The following KLHL1 variants were observed in gnomAD, a reference collection of about 807,000 sequenced individuals.
The protein encoded by KLHL1 is kelch-like protein 1.
Under a neutral mutation model 77.7 loss-of-function variants are expected in KLHL1, and 47 were observed. The observed-to-expected ratio is 0.60, with a 90% CI of 0.48 to 0.77. KLHL1 has a LOEUF of 0.77. Ranked by LOEUF, KLHL1 falls within the 30% of genes least tolerant of loss-of-function variation. The pLI is 0.00. For missense variants in KLHL1, 925 were observed against 910.8 expected, an observed-to-expected ratio of 1.02 and a Z score of -0.20; for synonymous variants, 360 against 325.2, an observed-to-expected ratio of 1.11 and a Z score of -1.15.
chr13:69,870,638 T>C (rs1880544525), intron 5 of KLHL1, among the ~76,000 whole-genome samples: 1 of 151,796 alleles, frequency 6.6e-6, no homozygotes, highest in African/African-American at 2.4e-5. Flanking sequence ...AATAAAAATA[T>C]ATATATATTA....
intron 7 of KLHL1, among the ~76,000 whole-genome samples, chr13:69,744,544 A>G (rs1336009926): frequency 6.6e-6 from 1 of 150,966 alleles, no homozygotes; most frequent in Non-Finnish European, 1.5e-5. Context: ...TACATTGTAT[A>G]TGTAATGTAA....
At chr13:70,008,298 A>T (rs1336737561) in intron 1 of KLHL1, among the ~76,000 whole-genome samples, 1 of 152,084 alleles carries the variant, frequency 6.6e-6, no homozygotes, top group Non-Finnish European at 1.5e-5. Context: ...CAACTTAGGA[A>T]AAACTTCAAG....
At chr13:69,897,533 A>G (rs1179516800) in intron 4 of KLHL1, among the ~76,000 whole-genome samples, 1 of 152,222 alleles carries the variant, frequency 6.6e-6, no homozygotes, top group Non-Finnish European at 1.5e-5. Flanking sequence ...ACTTGCCTTC[A>G]CAATAAATGA....
chr13:69,786,584 T>C (rs1876561808), intron 7 of KLHL1, among the ~76,000 whole-genome samples: 1 of 152,206 alleles, frequency 6.6e-6, no homozygotes, highest in Admixed American at 6.5e-5. Context: ...GCATTCCGTT[T>C]GAAAACTGGC....
Position 69,867,686 on chromosome 13 carries a change from T to C in KLHL1, c.1227+14597A>G, listed in dbSNP as rs143498075. Among the ~76,000 whole-genome samples the C allele has an allele frequency of 1.9e-3, 281 of 151,742 alleles. 2 individuals are homozygous for C. The highest frequency in any genetic ancestry group is 6.4e-3 in the African/African-American group (264 of 41,412). Reference sequence around the variant, plus strand: ...ATATTTACTTTAGTAAAAGAGAGGGTTTGTAAGTATATTAAAATATTTTAA... The same window carrying C: ...ATATTTACTTTAGTAAAAGAGAGGGCTTGTAAGTATATTAAAATATTTTAA... On this transcript the variant is annotated intron_variant, in intron 5 of 10. Coordinates refer to ENST00000377844, the MANE Select transcript of KLHL1 (RefSeq NM_020866.3).
rs571476541 is a variant in KLHL1, at chr13:69,998,857, G to T, written c.498-23055C>A. Among the ~76,000 whole-genome samples, 11 of 152,032 alleles carry T rather than the reference G, an allele frequency of 7.2e-5. No individual in the cohort carries two copies. In the South Asian group the frequency reaches 2.3e-3, roughly 32 times the overall value. ...GCACCCAAGCTCACCCATTTTGTTGGAAAAGTCATTTTTTTGTGTCTCTAG... is the reference window on the plus strand; with the variant it reads ...GCACCCAAGCTCACCCATTTTGTTGTAAAAGTCATTTTTTTGTGTCTCTAG... On this transcript the variant is annotated intron_variant, in intron 1 of 10. Transcript: ENST00000377844.
Position 69,974,811 on chromosome 13 carries a change from T to G in KLHL1, c.680+809A>C, listed in dbSNP as rs74971568. The stretch of plus-strand genomic sequence containing the variant: ...TGGTTTTGCCACACATATTATGACA[T>G]TGAATAATTCTCTCAATAATAATGA... On this transcript the variant is annotated intron_variant, in intron 2 of 10. Transcript: ENST00000377844. 1.5e-4 allele frequency among the ~76,000 whole-genome samples: 23 copies of G among 152,200 alleles called. No homozygotes were observed. The East Asian group carries it at 4.2e-3, about 28-fold the overall frequency.
chr13:69,834,049 A>C (rs1878880522), intron 6 of KLHL1, among the ~76,000 whole-genome samples: 1 of 151,940 alleles, frequency 6.6e-6, no homozygotes, highest in African/African-American at 2.4e-5. Context: ...ACACAAAGTC[A>C]TAAGAACAAT....
At chr13:69,938,746 AAAG>A (rs1315937707) in intron 4 of KLHL1, among the ~76,000 whole-genome samples, 1 of 152,072 alleles carries the variant, frequency 6.6e-6, no homozygotes, top group African/African-American at 2.4e-5. Context: ...GAAAATTTCT[AAAG>A]AAGGATTTGC....
intron 4 of KLHL1, among the ~76,000 whole-genome samples, chr13:69,915,744 G>A (rs1882408979): frequency 6.6e-6 from 1 of 151,966 alleles, no homozygotes; most frequent in Non-Finnish European, 1.5e-5. Flanking sequence ...TTGACAAATG[G>A]GATCTAATTA....
intron 6 of KLHL1, among the ~76,000 whole-genome samples, chr13:69,829,785 G>T (rs1258474607): frequency 6.7e-6 from 1 of 149,874 alleles, no homozygotes; most frequent in African/African-American, 2.5e-5. Context: ...AAACTATTGG[G>T]GTCTTATCTT....
At chr13:69,948,490 G>A (rs1173132518) in intron 3 of KLHL1, among the ~76,000 whole-genome samples, 1 of 151,952 alleles carries the variant, frequency 6.6e-6, no homozygotes, top group East Asian at 1.9e-4. Context: ...TGATTCAAGT[G>A]GGGGACTAAA....
intron 4 of KLHL1, 92 bp downstream of exon 4, chr13:69,939,948 C>A: frequency 2.1e-6 from 2 of 958,442 alleles, no homozygotes; most frequent in East Asian, 2.8e-5. Flanking sequence ...TCATTTTAAA[C>A]TTAAAAAACT....
intron 1 of KLHL1, among the ~76,000 whole-genome samples, chr13:70,035,237 G>A (rs2137371807): frequency 6.6e-6 from 1 of 152,150 alleles, no homozygotes; most frequent in Non-Finnish European, 1.5e-5. Flanking sequence ...CATACACAGT[G>A]GAGTACTATT....
intron 6 of KLHL1, among the ~76,000 whole-genome samples, chr13:69,810,142 A>T (rs1877805366): frequency 6.6e-6 from 1 of 152,128 alleles, no homozygotes; most frequent in African/African-American, 2.4e-5. Context: ...TGAGGCAGAA[A>T]ACTAACGAAG....
rs1174389113 is a variant in KLHL1, at chr13:70,107,475, AGAG to A, written c.222_224del (p.Ser81del). 1.2e-6 allele frequency: 2 copies of A among 1,613,964 alleles called. No individual in the cohort carries two copies. The highest frequency in any genetic ancestry group is 1.7e-6 in the Non-Finnish European group (2 of 1,180,004). On this transcript the variant is annotated inframe_deletion, in exon 1 of 11. Coordinates refer to ENST00000377844, the MANE Select transcript of KLHL1 (RefSeq NM_020866.3). ...AGGACGGGGAGGACGATGAAGAGGA[AGAG>A]GAGGAAGGCTTCTTCCAGAAAGTGC...
chr13:69,998,518 A>G (rs949793923), intron 1 of KLHL1, among the ~76,000 whole-genome samples: 8 of 152,162 alleles, frequency 5.3e-5, no homozygotes, highest in African/African-American at 1.9e-4. Context: ...CATTACACAC[A>G]AATTGTATAT....
chr13:69,802,604 A>G (rs1213450783), intron 6 of KLHL1, among the ~76,000 whole-genome samples: 1 of 152,164 alleles, frequency 6.6e-6, no homozygotes, highest in Non-Finnish European at 1.5e-5. Flanking sequence ...TAGAATACAG[A>G]CATTGTACAG....
At chr13:69,991,408 AC>A (rs1476861177) in intron 1 of KLHL1, among the ~76,000 whole-genome samples, 4 of 151,946 alleles carry the variant, frequency 2.6e-5, no homozygotes, top group Admixed American at 6.6e-5. Context: ...AACAACAACA[AC>A]AAAAAACAGG....
Sources: allele counts gnomAD v4.1 joint callset (sites outside exome capture counted in the v4.1 genomes callset), GRCh38; gene constraint gnomAD v4.1.1; transcripts MANE v1.5; gene names NCBI Gene and HGNC (gene_info 2026-07-23, HGNC 2026-07-21).